ITPR2: variants seen among roughly 807,000 people sequenced by gnomAD.
ITPR2 encodes inositol 1,4,5-trisphosphate-gated calcium channel ITPR2.
Under a neutral mutation model 317.1 loss-of-function variants are expected in ITPR2, and 207 were observed. The ratio of observed to expected loss-of-function variants is 0.65; its 90% CI spans 0.58 to 0.73. The LOEUF (loss-of-function observed/expected upper bound fraction) is 0.73. Among genes scored for constraint, ITPR2 ranks in the 30% least tolerant of loss-of-function variants. The pLI is 0.00. For synonymous variants in ITPR2, 1,156 were observed against 1,149.1 expected (o/e 1.01, Z -0.12); for missense variants, 2,613 against 3,284.0 (o/e 0.80, Z 4.99).
At chr12:26,508,402 T>A in intron 37 of ITPR2, among the ~76,000 whole-genome samples, 1 of 152,312 alleles carries the variant, frequency 6.6e-6, no homozygotes, top group Admixed American at 6.5e-5. Context: ...AATTTAGAGA[T>A]TTAACCTTTG....
intron 9 of ITPR2, among the ~76,000 whole-genome samples, chr12:26,703,258 G>T (rs941605929): frequency 6.6e-6 from 1 of 152,188 alleles, no homozygotes; most frequent in African/African-American, 2.4e-5. Flanking sequence ...TCTCAGATGT[G>T]CATGTATAGT....
chr12:26,704,849 T>C (rs1261689036), intron 9 of ITPR2, among the ~76,000 whole-genome samples: 1 of 152,194 alleles, frequency 6.6e-6, no homozygotes, highest in African/African-American at 2.4e-5. Context: ...ATGGGATTTT[T>C]TTCCCACTAT....
chr12:26,780,298 C>T (rs570274177), intron 2 of ITPR2, among the ~76,000 whole-genome samples: 1 of 152,310 alleles, frequency 6.6e-6, no homozygotes, highest in East Asian at 1.9e-4. Flanking sequence ...GGAACTCTTT[C>T]ATCATAGAAA....
intron 2 of ITPR2, among the ~76,000 whole-genome samples, chr12:26,760,720 T>A (rs1237180591): frequency 6.6e-6 from 1 of 152,240 alleles, no homozygotes; most frequent in Non-Finnish European, 1.5e-5. Context: ...AGATGAGGAA[T>A]CCTGGCGAGA....
intron 15 of ITPR2, among the ~76,000 whole-genome samples, chr12:26,659,581 G>A (rs543225411): frequency 1.3e-5 from 2 of 152,096 alleles, no homozygotes; most frequent in Non-Finnish European, 2.9e-5. Flanking sequence ...TCTAATTAAA[G>A]TAAGTTTTTA....
chr12:26,780,560 T>A (rs143706853), intron 2 of ITPR2, among the ~76,000 whole-genome samples: 6 of 152,308 alleles, frequency 3.9e-5, no homozygotes, highest in African/African-American at 1.4e-4. Flanking sequence ...AGCAGCTGGA[T>A]TGACAGAACA....
intron 37 of ITPR2, among the ~76,000 whole-genome samples, chr12:26,517,714 T>TA (rs1943561905): frequency 6.6e-6 from 1 of 152,174 alleles, no homozygotes; most frequent in Non-Finnish European, 1.5e-5. Flanking sequence ...GGTGCCTGCC[T>TA]GTAATCCCAG....
In ITPR2 at chr12:26,415,441, G is replaced by A. The variant is rs772766892; in HGVS notation, c.7168C>T (p.Arg2390Ter). The A allele has an allele frequency of 6.2e-6, 10 of 1,610,946 alleles. No individual in the cohort carries two copies. The South Asian group carries it at 6.6e-5, about 11-fold the overall frequency. Residue 2390 changes from arginine (R) to a stop codon, truncating the protein, a stop_gained, in exon 51 of 57, where the codon CGA becomes TGA. Transcript: ENST00000381340. LOFTEE classifies it high-confidence loss of function. ...TLLNVIKSVT[R>*]NGRSIILTAV... Reference sequence around the variant, plus strand: ...GTTAGAATAATAGAGCGGCCATTTCGTGTGACACTTTTTATGACATTCAGC... The same window carrying A: ...GTTAGAATAATAGAGCGGCCATTTCATGTGACACTTTTTATGACATTCAGC...
intron 37 of ITPR2, among the ~76,000 whole-genome samples, chr12:26,499,831 C>T (rs1026049003): frequency 6.6e-6 from 1 of 152,178 alleles, no homozygotes; most frequent in African/African-American, 2.4e-5. Context: ...GAATTATATA[C>T]TTATTAGCTA....
At chr12:26,824,734 A>G (rs1950986000) in intron 1 of ITPR2, among the ~76,000 whole-genome samples, 1 of 152,230 alleles carries the variant, frequency 6.6e-6, no homozygotes, top group African/African-American at 2.4e-5. Flanking sequence ...AATTAAAATC[A>G]TCTACATACT....
chr12:26,587,484 T>C (rs1945560800), intron 32 of ITPR2, among the ~76,000 whole-genome samples: 1 of 152,118 alleles, frequency 6.6e-6, no homozygotes, highest in African/African-American at 2.4e-5. Flanking sequence ...CCAGCATCCC[T>C]GGAAAATGTA....
At chr12:26,663,037 C>T (rs1208209814) in intron 15 of ITPR2, among the ~76,000 whole-genome samples, 1 of 152,134 alleles carries the variant, frequency 6.6e-6, no homozygotes, top group Non-Finnish European at 1.5e-5. Flanking sequence ...GTTAGCTGTA[C>T]CCCTAGATCC....
At chr12:26,446,591 T>C (rs1183970695) in intron 45 of ITPR2, among the ~76,000 whole-genome samples, 1 of 152,048 alleles carries the variant, frequency 6.6e-6, no homozygotes, top group African/African-American at 2.4e-5. Flanking sequence ...AACAAACCTA[T>C]ACAAATCATT....
intron 2 of ITPR2, among the ~76,000 whole-genome samples, chr12:26,767,657 A>T (rs1194246659): frequency 2.0e-5 from 3 of 152,202 alleles, no homozygotes; most frequent in Non-Finnish European, 4.4e-5. Context: ...ATAACCAGAA[A>T]CGTATTATAT....
intron 37 of ITPR2, among the ~76,000 whole-genome samples, chr12:26,538,346 G>GAAAAAAAAGGTTTTTTTTTTTTTGA (rs1944158812): frequency 6.9e-6 from 1 of 144,058 alleles, no homozygotes; most frequent in Non-Finnish European, 1.5e-5. Context: ...ACACCTTTTT[G>GAAAAAAAAGGTTTTTTTTTTTTTGA]AAAAAAAAAA....
intron 55 of ITPR2, among the ~76,000 whole-genome samples, chr12:26,358,721 C>A (rs1031413708): frequency 6.6e-6 from 1 of 152,066 alleles, no homozygotes; most frequent in Admixed American, 6.6e-5. Context: ...GGCATAAATT[C>A]TTAACTCCTT....
chr12:26,405,914 T>C (rs11048502), intron 52 of ITPR2, among the ~76,000 whole-genome samples: 45,755 of 152,074 alleles, frequency 0.3, 8,619 homozygotes, highest in Non-Finnish European at 0.43. Flanking sequence ...GCTGAGATTG[T>C]GCCATTGCAC....
chr12:26,607,802 C>T (rs1292609771), intron 26 of ITPR2, among the ~76,000 whole-genome samples: 1 of 152,132 alleles, frequency 6.6e-6, no homozygotes, highest in Non-Finnish European at 1.5e-5. Context: ...TAATGGCGGC[C>T]GGGCGCAGTG....
Position 26,446,732 on chromosome 12 carries a change from C to CAAAAA in ITPR2, c.6343-3087_6343-3083dup, listed in dbSNP as rs34601956. Among the ~76,000 whole-genome samples, 59 of 122,598 alleles carry CAAAAA rather than the reference C, an allele frequency of 4.8e-4. 2 individuals carry two copies. Among genetic ancestry groups the CAAAAA allele is most frequent in the Non-Finnish European group, 6.3e-4 (38 of 60,268 alleles). The allele number at this position is 122,598 out of a possible 152,430, so 80.4% of individuals were successfully genotyped here. On this transcript the variant is annotated intron_variant, in intron 45 of 56. Transcript: ENST00000381340. Reference sequence around the variant, plus strand: ...GAGAAGAGGCATTCTAAAAGGGACTCAAAAAAAAAAAAAAAAACACCCACC... The same window carrying CAAAAA: ...GAGAAGAGGCATTCTAAAAGGGACTCAAAAAAAAAAAAAAAAAAAAAACACCCACC...
Sources: allele counts gnomAD v4.1 joint callset (sites outside exome capture counted in the v4.1 genomes callset), GRCh38; gene constraint gnomAD v4.1.1; transcripts MANE v1.5; gene names NCBI Gene and HGNC (gene_info 2026-07-23, HGNC 2026-07-21).